The following GRID1 variants were observed in gnomAD, a reference collection of about 807,000 sequenced individuals.
GRID1 encodes glutamate receptor ionotropic, delta-1.
A neutral mutation model predicts 98.0 loss-of-function variants in GRID1; 28 were observed. The observed-to-expected ratio is 0.29, with a 90% CI of 0.21 to 0.39. The LOEUF is 0.39. GRID1 is among the 10% of genes least tolerant of loss of function. The pLI is 1.00. For missense variants in GRID1, 1,111 were observed against 1,340.5 expected, an observed-to-expected ratio of 0.83 and a Z score of 2.67; for synonymous variants, 553 against 538.5, an observed-to-expected ratio of 1.03 and a Z score of -0.37.
rs371991762 is a variant in GRID1, at chr10:86,206,789, TG to T, written c.236-142del. 1,295 of 699,340 alleles carry T rather than the reference TG, an allele frequency of 1.9e-3. 14 individuals are homozygous for T. The African/African-American group carries it at 0.02, about 11-fold the overall frequency. The allele number at this position is 699,340 out of a possible 1,614,324, so 43.3% of individuals were successfully genotyped here. On this transcript the variant is annotated intron_variant, in intron 2 of 15. Transcript: ENST00000327946. This position sits in a 1 kb window ranked among gnomAD's most constrained non-coding sequence, Gnocchi z 4.1. ...CTCCCTCCAGGACCAAGAACCATCC[TG>T]GGCAGGCCAGTGGCTCTCATAAGCA...
At chr10:86,270,693 A>T (rs1847172346) in intron 2 of GRID1, among the ~76,000 whole-genome samples, 1 of 152,154 alleles carries the variant, frequency 6.6e-6, no homozygotes, top group Non-Finnish European at 1.5e-5. Flanking sequence ...CCGTCTCAAA[A>T]AATAATAATA....
intron 2 of GRID1, among the ~76,000 whole-genome samples, chr10:86,291,242 A>G (rs1194432415): frequency 6.6e-6 from 1 of 152,188 alleles, no homozygotes; most frequent in Non-Finnish European, 1.5e-5. Flanking sequence ...AGAGCACACA[A>G]CAAGAGGCAG....
intron 12 of GRID1, among the ~76,000 whole-genome samples, chr10:85,667,129 C>T (rs903026067): frequency 6.6e-6 from 1 of 152,208 alleles, no homozygotes; most frequent in Non-Finnish European, 1.5e-5. Context: ...AGACCTCGCT[C>T]TCTGCGGTTA....
intron 4 of GRID1, among the ~76,000 whole-genome samples, chr10:86,080,401 GGGAA>G (rs1843952722): frequency 3.4e-5 from 1 of 29,388 alleles, no homozygotes; most frequent in Non-Finnish European, 7.2e-5. Flanking sequence ...GGGAAGGGAA[GGGAA>G]GGGAAGGGGA....
At chr10:86,257,759 A>G (rs1902664) in intron 2 of GRID1, among the ~76,000 whole-genome samples, 123,870 of 151,624 alleles carry the variant, frequency 0.82, 51,519 homozygotes, top group Non-Finnish European at 0.88. Context: ...CATGGCTGAG[A>G]AACACAGAGA....
chr10:85,670,493 C>A (rs533091066), intron 12 of GRID1, among the ~76,000 whole-genome samples: 6 of 152,268 alleles, frequency 3.9e-5, no homozygotes, highest in Admixed American at 2.0e-4. Context: ...GAAAAAGGGT[C>A]AGAAATGATA....
chr10:85,785,435 GA>G (rs1273131114), intron 8 of GRID1, among the ~76,000 whole-genome samples: 1 of 152,218 alleles, frequency 6.6e-6, no homozygotes, highest in Non-Finnish European at 1.5e-5. Context: ...AAAGAGACAA[GA>G]AAAGTGGGGA....
chr10:86,075,223 C>A (rs552018434), intron 4 of GRID1, among the ~76,000 whole-genome samples: 39 of 145,242 alleles, frequency 2.7e-4, no homozygotes, highest in African/African-American at 1.0e-3. Flanking sequence ...CCAGTACCTG[C>A]GAATTTGGCC....
chr10:85,874,256 T>C (rs1156395319), intron 5 of GRID1, among the ~76,000 whole-genome samples: 2 of 152,214 alleles, frequency 1.3e-5, no homozygotes, highest in African/African-American at 2.4e-5. Flanking sequence ...TGTCATATTA[T>C]TTATATTCTA....
intron 2 of GRID1, among the ~76,000 whole-genome samples, chr10:86,221,309 A>G (rs1846251050): frequency 6.6e-6 from 1 of 152,224 alleles, no homozygotes; most frequent in Non-Finnish European, 1.5e-5. Flanking sequence ...GTGAGGCTCC[A>G]TCTTCCCACC....
chr10:85,796,295 T>C (rs1358601530), intron 8 of GRID1, among the ~76,000 whole-genome samples: 1 of 152,216 alleles, frequency 6.6e-6, no homozygotes, highest in African/African-American at 2.4e-5. Flanking sequence ...AAGGGACTTA[T>C]CACACTCTAA....
At chr10:86,332,456 C>T (rs1848158537) in intron 2 of GRID1, among the ~76,000 whole-genome samples, 1 of 152,076 alleles carries the variant, frequency 6.6e-6, no homozygotes, top group Non-Finnish European at 1.5e-5. Flanking sequence ...GCTGGGGCTT[C>T]CCCTGGGATG....
rs888697300 is a variant in GRID1 at position 85,775,495 on chromosome 10, T to C, written c.1234-45881A>G. 4.6e-5 allele frequency among the ~76,000 whole-genome samples: 7 copies of C among 151,334 alleles called. No homozygotes were observed. The South Asian group carries it at 1.5e-3, about 32-fold the overall frequency. ...AGTATAATAATAATAAAATAAAATT[T>C]AAAAAAAAGATGGCAACAATAGACA... On this transcript the variant is annotated intron_variant, in intron 8 of 15. Coordinates refer to ENST00000327946, the MANE Select transcript of GRID1 (RefSeq NM_017551.3).
intron 4 of GRID1, among the ~76,000 whole-genome samples, chr10:86,080,415 AGGGGAGGGGAGGGGAGGGGAGGGG>A (rs1843954828): frequency 8.1e-5 from 2 of 24,552 alleles, no homozygotes; most frequent in African/African-American, 3.4e-4. Context: ...AGGGAAGGGG[AGGGGAGGGGAGGGGAGGGGAGGGG>A]AGGGGAGGGG....
chr10:85,952,278 G>A (rs1303575729), intron 4 of GRID1, among the ~76,000 whole-genome samples: 1 of 152,176 alleles, frequency 6.6e-6, no homozygotes, highest in Non-Finnish European at 1.5e-5. Flanking sequence ...ACAGCATGAG[G>A]AAGCAAACTC....
chr10:85,628,985 G>A (rs942916792), intron 13 of GRID1, among the ~76,000 whole-genome samples: 7 of 152,032 alleles, frequency 4.6e-5, no homozygotes, highest in Non-Finnish European at 8.8e-5. Flanking sequence ...CCAGAGAGGC[G>A]GCCCATGACC....
chr10:85,751,349 A>C (rs892414951), intron 8 of GRID1, among the ~76,000 whole-genome samples: 1 of 152,228 alleles, frequency 6.6e-6, no homozygotes, highest in Non-Finnish European at 1.5e-5. Flanking sequence ...CCAGATTTCA[A>C]GAAGAGTTTG....
chr10:85,920,207 T>C (rs938506998), intron 4 of GRID1, among the ~76,000 whole-genome samples: 1 of 152,250 alleles, frequency 6.6e-6, no homozygotes, highest in South Asian at 2.1e-4. Context: ...TAATAAATCA[T>C]TGTCACACAC....
At chr10:86,362,194 A>C (rs1271331657) in intron 2 of GRID1, among the ~76,000 whole-genome samples, 1 of 152,186 alleles carries the variant, frequency 6.6e-6, no homozygotes, top group Non-Finnish European at 1.5e-5. Flanking sequence ...GGTTTGTGGA[A>C]CCAGTGTCAA....
Sources: gnomAD v4.1 joint callset for allele counts (sites outside exome capture counted in the v4.1 genomes callset) on GRCh38, gnomAD v4.1.1 for gene constraint, Gnocchi (gnomAD v3.1) non-coding constraint, MANE v1.5 for transcripts, NCBI Gene and HGNC (gene_info 2026-07-23, HGNC 2026-07-21) for gene names.